Variants in FILIP1L observed in about 807,000 individuals in gnomAD.
FILIP1L encodes the protein filamin A-interacting protein 1-like.
A neutral mutation model predicts 96.6 loss-of-function variants in FILIP1L; 55 were observed. The ratio of observed to expected loss-of-function variants is 0.57; its 90% CI spans 0.46 to 0.71. FILIP1L has a LOEUF of 0.71. FILIP1L is among the 30% of genes least tolerant of loss of function. The probability of loss-of-function intolerance (pLI) is 0.00; values close to 1 mark genes in which losing one functional copy is unlikely to be tolerated. For missense variants in FILIP1L, 1,304 were observed against 1,321.2 expected, an observed-to-expected ratio of 0.99 and a Z score of 0.20; for synonymous variants, 467 against 473.9, an observed-to-expected ratio of 0.99 and a Z score of 0.19.
At chr3:99,953,896 T>G (rs371995458) in intron 1 of FILIP1L, among the ~76,000 whole-genome samples, 4 of 152,350 alleles carry the variant, frequency 2.6e-5, no homozygotes, top group Non-Finnish European at 2.9e-5. Flanking sequence ...CACCAAGGCA[T>G]ACCTCCCACA....
At chr3:100,066,643 T>G (rs1451537223) in intron 1 of FILIP1L, among the ~76,000 whole-genome samples, 3 of 122,908 alleles carry the variant, frequency 2.4e-5, no homozygotes, top group Non-Finnish European at 5.2e-5. Context: ...GCCATTCTCC[T>G]GCCTCAGCCT....
chr3:99,853,396 T>C (rs756948383), intron 4 of FILIP1L, among the ~76,000 whole-genome samples: 3 of 152,248 alleles, frequency 2.0e-5, no homozygotes, highest in Non-Finnish European at 4.4e-5. Context: ...AATTATAGCA[T>C]GTGCTATGTC....
At chr3:99,873,143 A>T (rs763213055) in intron 4 of FILIP1L, among the ~76,000 whole-genome samples, 1 of 152,180 alleles carries the variant, frequency 6.6e-6, no homozygotes, top group African/African-American at 2.4e-5. Context: ...GACAGCAGCA[A>T]CCACAGAAAT....
intron 1 of FILIP1L, among the ~76,000 whole-genome samples, chr3:99,953,978 T>C (rs1345709076): frequency 2.6e-5 from 4 of 152,220 alleles, no homozygotes; most frequent in Non-Finnish European, 4.4e-5. Context: ...CCTGCAGTCT[T>C]CTTAGAAGTT....
intron 1 of FILIP1L, among the ~76,000 whole-genome samples, chr3:100,023,168 G>T (rs773475057): frequency 6.6e-6 from 1 of 152,206 alleles, no homozygotes; most frequent in Non-Finnish European, 1.5e-5. Flanking sequence ...CAGACCAGGT[G>T]GCTGGGTGTA....
At chr3:100,010,604 TTTTC>T (rs1710116751) in intron 1 of FILIP1L, among the ~76,000 whole-genome samples, 2 of 147,260 alleles carry the variant, frequency 1.4e-5, no homozygotes, top group East Asian at 2.0e-4. Flanking sequence ...ATCTGAGAGT[TTTTC>T]TTTCTTTTTT....
At chr3:99,998,387 A>C (rs1709742437) in intron 1 of FILIP1L, among the ~76,000 whole-genome samples, 1 of 152,194 alleles carries the variant, frequency 6.6e-6, no homozygotes, top group Non-Finnish European at 1.5e-5. Flanking sequence ...CATGTGTTTA[A>C]ATGTTTGTAT....
intron 4 of FILIP1L, among the ~76,000 whole-genome samples, chr3:99,853,713 T>C (rs1943819035): frequency 6.6e-6 from 1 of 152,248 alleles, no homozygotes; most frequent in Admixed American, 6.5e-5. Context: ...TGTCTGATTA[T>C]TTGAATGCAT....
intron 1 of FILIP1L, among the ~76,000 whole-genome samples, chr3:99,969,523 G>C (rs1304726952): frequency 1.3e-5 from 2 of 152,184 alleles, no homozygotes; most frequent in East Asian, 1.9e-4. Flanking sequence ...TGATTCTAAA[G>C]ATATTAGTGA....
At chr3:99,949,817 G>C (rs1220608957) in intron 1 of FILIP1L, among the ~76,000 whole-genome samples, 1 of 152,102 alleles carries the variant, frequency 6.6e-6, no homozygotes, top group African/African-American at 2.4e-5. Context: ...CTTACATGTA[G>C]AAATAATTCT....
At chr3:100,085,216 T>A (rs539698002) in intron 1 of FILIP1L, among the ~76,000 whole-genome samples, 1 of 152,338 alleles carries the variant, frequency 6.6e-6, no homozygotes, top group Non-Finnish European at 1.5e-5. Flanking sequence ...ACAACCAACC[T>A]GAAGTTTGCC....
intron 1 of FILIP1L, among the ~76,000 whole-genome samples, chr3:100,049,826 A>T (rs543788538): frequency 6.6e-6 from 1 of 152,232 alleles, no homozygotes. Flanking sequence ...TATATATACA[A>T]CATACAAAAT....
Position 100,114,153 on chromosome 3 carries a change from T to G in FILIP1L, c.-111A>C, listed in dbSNP as rs1381053113. 6.6e-6 allele frequency: 1 copy of G among 152,106 alleles called. No individual in the cohort carries two copies. Among genetic ancestry groups the G allele is most frequent in the African/African-American group, 2.4e-5 (1 of 41,382 alleles). The allele number at this position is 152,106 out of a possible 1,614,324, so 9.4% of individuals were successfully genotyped here. A position where few individuals can be genotyped will look rare whatever the true frequency, so the allele number is the denominator to read the frequency against. On this transcript the variant is annotated 5_prime_UTR_variant, in exon 1 of 6. Coordinates refer to ENST00000477258, the MANE Select transcript of FILIP1L (RefSeq NM_001387850.1). ...ATCCAGGACCAACAACAACGTTTTCTTCTTCTCTTTTTGGACACCCTCTCA... is the reference window on the plus strand; with the variant it reads ...ATCCAGGACCAACAACAACGTTTTCGTCTTCTCTTTTTGGACACCCTCTCA...
At chr3:100,095,970 T>C (rs2066199065) in intron 1 of FILIP1L, among the ~76,000 whole-genome samples, 1 of 152,070 alleles carries the variant, frequency 6.6e-6, no homozygotes, top group Non-Finnish European at 1.5e-5. Flanking sequence ...AAGATTTGAA[T>C]AGACATTTCT....
chr3:100,037,451 G>GACAC (rs66489523), intron 1 of FILIP1L, among the ~76,000 whole-genome samples: 128 of 151,422 alleles, frequency 8.5e-4, no homozygotes, highest in African/African-American at 2.9e-3. Flanking sequence ...AAAGCAAACA[G>GACAC]ACACACACAC....
At chr3:100,084,561 G>C (rs1425890733) in intron 1 of FILIP1L, among the ~76,000 whole-genome samples, 3 of 152,174 alleles carry the variant, frequency 2.0e-5, no homozygotes, top group South Asian at 4.1e-4. Flanking sequence ...TGGGAAGTAA[G>C]AACCTTATGA....
At chr3:99,879,974 GCTACCTTCTACCAC>G (rs1329063398) in intron 4 of FILIP1L, among the ~76,000 whole-genome samples, 2 of 152,054 alleles carry the variant, frequency 1.3e-5, no homozygotes, top group African/African-American at 4.8e-5. Flanking sequence ...TGCACCCCAC[GCTACCTTCTACCAC>G]CTTACCCACA....
At chr3:100,094,650 AG>A (rs2066170572) in intron 1 of FILIP1L, among the ~76,000 whole-genome samples, 1 of 140,012 alleles carries the variant, frequency 7.1e-6, no homozygotes, top group Non-Finnish European at 1.5e-5. Context: ...CAATTTCTCC[AG>A]CACCATTTGT....
chr3:100,085,972 T>G (rs2066002688), intron 1 of FILIP1L, among the ~76,000 whole-genome samples: 1 of 152,218 alleles, frequency 6.6e-6, no homozygotes, highest in African/African-American at 2.4e-5. Flanking sequence ...GGTCATGAGT[T>G]TAGTCATTGG....
Sources: gnomAD v4.1 joint callset for allele counts (sites outside exome capture counted in the v4.1 genomes callset) on GRCh38, gnomAD v4.1.1 for gene constraint, MANE v1.5 for transcripts, NCBI Gene and HGNC (gene_info 2026-07-23, HGNC 2026-07-21) for gene names.